MRPS9: variants seen among roughly 807,000 people sequenced by gnomAD.
MRPS9 encodes the protein small ribosomal subunit protein uS9m.
MRPS9 carries 45 observed loss-of-function variants against 59.9 expected under a neutral mutation model. The ratio of observed to expected loss-of-function variants is 0.75; its 90% CI spans 0.59 to 0.96. The LOEUF (loss-of-function observed/expected upper bound fraction) is 0.96, where lower values mean the gene tolerates loss of function less well. MRPS9 is among the 40% of genes least tolerant of loss of function. The pLI, the probability that MRPS9 is intolerant of heterozygous loss-of-function variation, is 0.00. For missense variants in MRPS9, 473 were observed against 481.1 expected, an observed-to-expected ratio of 0.98 and a Z score of 0.16; for synonymous variants, 171 against 166.8, an observed-to-expected ratio of 1.03 and a Z score of -0.19.
intron 4 of MRPS9, among the ~76,000 whole-genome samples, chr2:105,078,942 T>C (rs1680269209): frequency 6.6e-6 from 1 of 151,590 alleles, no homozygotes; most frequent in African/African-American, 2.4e-5. Context: ...TTCACGGGGG[T>C]GGGGAAACCT....
chr2:105,048,538 G>A (rs1283448151), intron 1 of MRPS9, among the ~76,000 whole-genome samples: 3 of 151,724 alleles, frequency 2.0e-5, no homozygotes, highest in Non-Finnish European at 2.9e-5. Context: ...AAAGATATGC[G>A]AGCCCTTATT....
rs1282752024 is a variant in MRPS9, at chr2:105,088,900, G to A, written c.490-84G>A. ...GAGGACACCTTAGGAAGTACTTACA[G>A]GAGAAAACTATAAAATATATCAGAA... On this transcript the variant is annotated intron_variant, in intron 5 of 10. Transcript: ENST00000258455. 9.8e-6 allele frequency: 9 copies of A among 919,102 alleles called. No individual in the cohort carries two copies. In the East Asian group the frequency reaches 1.5e-4, roughly 16 times the overall value. 56.9% of individuals were successfully genotyped at this position (919,102 alleles called of 1,614,324 possible).
intron 5 of MRPS9, among the ~76,000 whole-genome samples, chr2:105,086,528 G>A (rs543098424): frequency 6.6e-6 from 1 of 152,260 alleles, no homozygotes; most frequent in African/African-American, 2.4e-5. Context: ...GTACAAGATA[G>A]GTTGATTGTT....
chr2:105,050,549 T>C (rs1230101362), intron 2 of MRPS9, among the ~76,000 whole-genome samples: 1 of 152,156 alleles, frequency 6.6e-6, no homozygotes, highest in African/African-American at 2.4e-5. Context: ...TTGGGGGATA[T>C]TTTCCATAAA....
chr2:105,056,544 A>G (rs1679794105), intron 2 of MRPS9, among the ~76,000 whole-genome samples: 1 of 152,192 alleles, frequency 6.6e-6, no homozygotes, highest in Admixed American at 6.5e-5. Flanking sequence ...AAACTCGTTA[A>G]GTGTGTGAAT....
chr2:105,051,672 A>G (rs946093910), intron 2 of MRPS9, among the ~76,000 whole-genome samples: 3 of 152,186 alleles, frequency 2.0e-5, no homozygotes, highest in Admixed American at 1.3e-4. Context: ...ATCTCTGAAC[A>G]TGGGGTGTCC....
At chr2:105,049,514 A>T (rs1295650548) in intron 2 of MRPS9, among the ~76,000 whole-genome samples, 164 bp downstream of exon 2, 1 of 152,216 alleles carries the variant, frequency 6.6e-6, no homozygotes, top group African/African-American at 2.4e-5. Context: ...TCAAAGACAA[A>T]TGTGCAGGAT....
chr2:105,039,029 A>G (rs56836919), intron 1 of MRPS9, among the ~76,000 whole-genome samples: 1 of 152,050 alleles, frequency 6.6e-6, no homozygotes, highest in Non-Finnish European at 1.5e-5. Context: ...TGTACTGAGG[A>G]GTAGGCAGAG....
chr2:105,066,196 A>G (rs1009002616), intron 2 of MRPS9, among the ~76,000 whole-genome samples: 1 of 151,914 alleles, frequency 6.6e-6, no homozygotes, highest in African/African-American at 2.4e-5. Flanking sequence ...TTTTCACTGA[A>G]TTTGCAATAG....
chr2:105,091,191 G>C, intron 7 of MRPS9: 1 of 432,842 alleles, frequency 2.3e-6, no homozygotes, highest in South Asian at 1.7e-5. Flanking sequence ...TTTGTACTTT[G>C]GGGTACTGGA....
rs10716983 is a variant in MRPS9, at chr2:105,072,004, TAA to T, written c.409+526_409+527del. Among the ~76,000 whole-genome samples the T allele has an allele frequency of 4.9e-3, 740 of 149,516 alleles. 3 individuals carry two copies. Among genetic ancestry groups the T allele is most frequent in the African/African-American group, 0.017 (676 of 40,948 alleles). ...ATATTCTCTTTATCTTTTAAATGTG[TAA>T]AAAAAAAAAATTGAAGAAAATACAC... is the stretch of plus-strand genomic sequence containing the variant. On this transcript the variant is annotated intron_variant, in intron 4 of 10. Transcript: ENST00000258455.
intron 5 of MRPS9, among the ~76,000 whole-genome samples, chr2:105,084,996 A>G (rs1347819515): frequency 6.6e-6 from 1 of 152,176 alleles, no homozygotes; most frequent in Non-Finnish European, 1.5e-5. Flanking sequence ...TTTAATTTGA[A>G]TAGTAAAAAT....
intron 5 of MRPS9, among the ~76,000 whole-genome samples, chr2:105,086,023 A>G (rs1286624831): frequency 6.6e-6 from 1 of 152,166 alleles, no homozygotes; most frequent in African/African-American, 2.4e-5. Context: ...TCTCTAACTA[A>G]CCAAGGTAGA....
At chr2:105,052,635 GA>G (rs1157877784) in intron 2 of MRPS9, among the ~76,000 whole-genome samples, 1 of 152,148 alleles carries the variant, frequency 6.6e-6, no homozygotes, top group Non-Finnish European at 1.5e-5. Flanking sequence ...CTCATCGAAT[GA>G]GTTAGGAAGT....
At chr2:105,063,007 A>G (rs1202369599) in intron 2 of MRPS9, among the ~76,000 whole-genome samples, 1 of 152,254 alleles carries the variant, frequency 6.6e-6, no homozygotes, top group Non-Finnish European at 1.5e-5. Context: ...CATTGAAACA[A>G]TTAAAAACAC....
At chr2:105,043,757 C>T (rs1273892864) in intron 1 of MRPS9, among the ~76,000 whole-genome samples, 2 of 151,836 alleles carry the variant, frequency 1.3e-5, no homozygotes, top group African/African-American at 2.4e-5. Flanking sequence ...GCCTCAGCCT[C>T]CCAAGTAGCT....
chr2:105,063,458 T>A (rs1037268712), intron 2 of MRPS9, among the ~76,000 whole-genome samples: 4 of 152,220 alleles, frequency 2.6e-5, no homozygotes, highest in African/African-American at 9.6e-5. Flanking sequence ...AAATACTAAT[T>A]TGTGTACTTT....
rs1159899342 is a variant in MRPS9 at position 105,038,235 on chromosome 2, C to T, written c.135+8C>T. ...ACAAATGTCAGATCCCAGGTAAGGCCTGGGAAGACTGGAAGCGGCTTACCT... is the reference window on the plus strand; with the variant it reads ...ACAAATGTCAGATCCCAGGTAAGGCTTGGGAAGACTGGAAGCGGCTTACCT... On this transcript the variant is annotated splice_region_variant and intron_variant, in intron 1 of 10. Coordinates refer to ENST00000258455, the MANE Select transcript of MRPS9 (RefSeq NM_182640.3). The T allele has an allele frequency of 7.5e-6, 12 of 1,607,764 alleles. No homozygotes were observed. Among genetic ancestry groups the T allele is most frequent in the Non-Finnish European group, 1.0e-5 (12 of 1,177,120 alleles).
intron 5 of MRPS9, among the ~76,000 whole-genome samples, chr2:105,081,700 A>G (rs376360817): frequency 2.2e-4 from 34 of 152,352 alleles, no homozygotes; most frequent in East Asian, 1.5e-3. Context: ...AAATGTTACC[A>G]TACTCTCTGA....
Sources: gnomAD v4.1 joint callset for allele counts (sites outside exome capture counted in the v4.1 genomes callset) on GRCh38, gnomAD v4.1.1 for gene constraint, MANE v1.5 for transcripts, NCBI Gene and HGNC (gene_info 2026-07-23, HGNC 2026-07-21) for gene names.